The following ABCA13 variants were observed in gnomAD, a reference collection of about 807,000 sequenced individuals.
ABCA13 encodes the protein ATP-binding cassette sub-family A member 13.
Under a neutral mutation model 478.7 loss-of-function variants are expected in ABCA13, and 476 were observed. The observed-to-expected ratio is 0.99, with a 90% CI of 0.92 to 1.07. ABCA13 has a LOEUF of 1.07. Among genes scored for constraint, ABCA13 ranks in the 50% least tolerant of loss-of-function variants. ABCA13 has a pLI of 0.00. For missense variants in ABCA13, 6,060 were observed against 5,910.6 expected (o/e 1.03, Z -0.83); for synonymous variants, 2,252 against 2,158.9 (o/e 1.04, Z -1.20).
intron 28 of ABCA13, among the ~76,000 whole-genome samples, chr7:48,335,840 C>G (rs1403380026): frequency 1.3e-5 from 2 of 152,086 alleles, no homozygotes; most frequent in Non-Finnish European, 1.5e-5. Context: ...CAGGTCTATT[C>G]AACAATCAAT....
chr7:48,420,903 C>G (rs1820655542), intron 41 of ABCA13, among the ~76,000 whole-genome samples: 1 of 152,158 alleles, frequency 6.6e-6, no homozygotes, highest in Non-Finnish European at 1.5e-5. Context: ...CACTGTCAAT[C>G]TGCAAGAATT....
At chr7:48,355,525 T>A (rs752538903) in intron 31 of ABCA13, among the ~76,000 whole-genome samples, 1 of 152,136 alleles carries the variant, frequency 6.6e-6, no homozygotes, top group African/African-American at 2.4e-5. Flanking sequence ...TGACTTATAC[T>A]GTAAAAGTCT....
At chr7:48,627,356 T>C (rs763559401) in intron 59 of ABCA13, among the ~76,000 whole-genome samples, 2 of 152,216 alleles carry the variant, frequency 1.3e-5, no homozygotes, top group Non-Finnish European at 2.9e-5. Context: ...CGTGGGCACC[T>C]GCGTGATGAA....
chr7:48,279,079 A>G lies in ABCA13; in HGVS notation c.7885A>G (p.Lys2629Glu), dbSNP rs780017468. 20 of 1,612,610 alleles carry G rather than the reference A, an allele frequency of 1.2e-5. No individual in the cohort carries two copies. The highest frequency in any genetic ancestry group is 1.6e-5 in the Non-Finnish European group (19 of 1,179,746). ...PSILSYMNQSKDFSDILEEIA... is the reference protein window; with the variant it reads ...PSILSYMNQSEDFSDILEEIA... Reference sequence around the variant, plus strand: ...CATACTCTCATATATGAACCAATCTAAGGACTTTTCTGATATTTTGGAAGA... The same window carrying G: ...CATACTCTCATATATGAACCAATCTGAGGACTTTTCTGATATTTTGGAAGA... Residue 2629 changes from lysine (K) to glutamate (E), a missense_variant, in exon 18 of 62, where the codon AAG becomes GAG. By Grantham distance (56) the Lys-to-Glu change is moderately conservative. Coordinates refer to ENST00000435803, the MANE Select transcript of ABCA13 (RefSeq NM_152701.5).
chr7:48,440,875 G>A (rs1823494799), intron 42 of ABCA13, among the ~76,000 whole-genome samples: 1 of 152,024 alleles, frequency 6.6e-6, no homozygotes, highest in Non-Finnish European at 1.5e-5. Flanking sequence ...GAAAAAGAGT[G>A]ATGTTTTGAA....
At chr7:48,323,614 A>G (rs1000042530) in intron 27 of ABCA13, among the ~76,000 whole-genome samples, 1 of 152,206 alleles carries the variant, frequency 6.6e-6, no homozygotes, top group East Asian at 1.9e-4. Context: ...GTAGGTACTA[A>G]TATCCCCATT....
At chr7:48,534,025 CTTGT>C (rs1395711781) in intron 55 of ABCA13, among the ~76,000 whole-genome samples, 2 of 151,590 alleles carry the variant, frequency 1.3e-5, no homozygotes, top group African/African-American at 4.8e-5. Flanking sequence ...GCCTGAATGT[CTTGT>C]TTGTTTGTCT....
chr7:48,315,316 T>C (rs1802411301), intron 26 of ABCA13, among the ~76,000 whole-genome samples: 1 of 152,182 alleles, frequency 6.6e-6, no homozygotes, highest in Non-Finnish European at 1.5e-5. Flanking sequence ...CATGTCGGGA[T>C]TTCTGAGTTA....
Position 48,511,215 on chromosome 7 carries a change from C to A in ABCA13, c.13640+16C>A. On this transcript the variant is annotated intron_variant, in intron 51 of 61. Transcript: ENST00000435803. ...CACTTTTCGGGTATGTGATGAGAAA[C>A]GCTGCTGCAGAATTACGGTTTGTTT... 6.3e-7 allele frequency: 1 copy of A among 1,589,340 alleles called. No homozygotes were observed. The highest frequency in any genetic ancestry group is 8.6e-7 in the Non-Finnish European group (1 of 1,162,576).
rs1787025185 is a variant in ABCA13 at position 48,566,046 on chromosome 7, C to T, written c.14355-14178C>T. ...GAAGCAAATGAATTTAAAATACTAT[C>T]TGGAAAGCAAATCAAATCAGGACCA... On this transcript the variant is annotated intron_variant, in intron 55 of 61. Coordinates refer to ENST00000435803, the MANE Select transcript of ABCA13 (RefSeq NM_152701.5). 2.0e-5 allele frequency among the ~76,000 whole-genome samples: 3 copies of T among 152,138 alleles called. No individual in the cohort carries two copies. In the South Asian group the frequency reaches 6.2e-4, roughly 31 times the overall value.
intron 39 of ABCA13, 104 bp from the exon 40 acceptor site, chr7:48,410,416 G>T: frequency 7.1e-7 from 1 of 1,401,972 alleles, no homozygotes; most frequent in Non-Finnish European, 9.9e-7. Flanking sequence ...AATTGGTGAG[G>T]ATCTTTAAAT....
intron 35 of ABCA13, among the ~76,000 whole-genome samples, chr7:48,378,284 T>C (rs2129039044): frequency 6.6e-6 from 1 of 152,284 alleles, no homozygotes; most frequent in South Asian, 2.1e-4. Flanking sequence ...TATTGAGTCG[T>C]TCCTTATCCT....
At chr7:48,438,099 G>C (rs907274427) in intron 42 of ABCA13, among the ~76,000 whole-genome samples, 5 of 152,014 alleles carry the variant, frequency 3.3e-5, no homozygotes, top group African/African-American at 1.2e-4. Flanking sequence ...ATTCTTGTGT[G>C]CTTGCTGAAT....
chr7:48,492,186 C>A (rs568256960), intron 48 of ABCA13, among the ~76,000 whole-genome samples: 4 of 152,296 alleles, frequency 2.6e-5, no homozygotes, highest in African/African-American at 9.6e-5. Context: ...CCTCATGTCT[C>A]GCTTATGGCC....
chr7:48,603,189 A>G (rs2131494216), intron 58 of ABCA13, among the ~76,000 whole-genome samples: 1 of 152,254 alleles, frequency 6.6e-6, no homozygotes, highest in Non-Finnish European at 1.5e-5. Flanking sequence ...AGGCAATTTG[A>G]CTTCCTCTTT....
intron 55 of ABCA13, among the ~76,000 whole-genome samples, chr7:48,537,904 TGAG>T (rs775007765): frequency 6.6e-6 from 1 of 151,930 alleles, no homozygotes; most frequent in African/African-American, 2.4e-5. Flanking sequence ...GGGAAGGAGA[TGAG>T]GAGAACAAGG....
chr7:48,206,349 TACAATG>T (rs1784917175), intron 3 of ABCA13, among the ~76,000 whole-genome samples: 2 of 152,344 alleles, frequency 1.3e-5, no homozygotes, highest in East Asian at 3.9e-4. Context: ...CAGTATTCAG[TACAATG>T]ACATGCTGTA....
intron 19 of ABCA13, 108 bp downstream of exon 19, chr7:48,281,560 C>A (rs1797041548): frequency 1.0e-6 from 1 of 999,998 alleles, no homozygotes; most frequent in Non-Finnish European, 1.5e-6. Flanking sequence ...TAGAACAAAG[C>A]ACAGCTGTCT....
At chr7:48,454,994 C>G (rs1198484700) in intron 42 of ABCA13, 43 bp from the exon 43 acceptor site, 3 of 1,459,640 alleles carry the variant, frequency 2.1e-6, no homozygotes, top group Non-Finnish European at 2.7e-6. Context: ...CTGTCACCTC[C>G]GCAGAGCTGA....
Sources: allele counts gnomAD v4.1 joint callset (sites outside exome capture counted in the v4.1 genomes callset), GRCh38; gene constraint gnomAD v4.1.1; transcripts MANE v1.5; gene names NCBI Gene and HGNC (gene_info 2026-07-23, HGNC 2026-07-21).